FRMD4B: variants seen among roughly 807,000 people sequenced by gnomAD.
The protein encoded by FRMD4B is FERM domain containing 4B.
In FRMD4B, 74 loss-of-function variants were observed where a neutral mutation model predicts 141.5. The observed-to-expected ratio is 0.52, with a 90% CI of 0.43 to 0.63. The LOEUF is 0.63. Among genes scored for constraint, FRMD4B ranks in the 30% least tolerant of loss-of-function variants. The probability of loss-of-function intolerance (pLI) is 0.00; values close to 1 mark genes in which losing one functional copy is unlikely to be tolerated. For missense variants in FRMD4B, 1,366 were observed against 1,253.4 expected (o/e 1.09, Z -1.36); for synonymous variants, 506 against 467.9 (o/e 1.08, Z -1.05).
At chr3:69,286,798 C>CT (rs1293469848) in intron 5 of FRMD4B, among the ~76,000 whole-genome samples, 3 of 152,082 alleles carry the variant, frequency 2.0e-5, no homozygotes, top group Non-Finnish European at 2.9e-5. Flanking sequence ...TGTTTAAAAA[C>CT]TTTTTTTGTT....
At chr3:69,228,232 A>C (rs1194260821) in intron 7 of FRMD4B, 1 of 426,988 alleles carries the variant, frequency 2.3e-6, no homozygotes, top group African/African-American at 2.0e-5. Context: ...CCTGCCTTCA[A>C]TGATAAGAAT....
intron 1 of FRMD4B, among the ~76,000 whole-genome samples, chr3:69,472,938 CTTTTTTT>C (rs71618285): frequency 6.5e-5 from 7 of 108,324 alleles, no homozygotes; most frequent in Non-Finnish European, 1.1e-4. Flanking sequence ...TTTTTTTTTT[CTTTTTTT>C]TTTTTTTTGG....
intron 1 of FRMD4B, among the ~76,000 whole-genome samples, chr3:69,499,757 C>A (rs1277620452): frequency 6.6e-6 from 1 of 152,096 alleles, no homozygotes; most frequent in Non-Finnish European, 1.5e-5. Flanking sequence ...TCATCTGCTC[C>A]AAGCCTTCTG....
intron 1 of FRMD4B, among the ~76,000 whole-genome samples, chr3:69,352,705 T>A (rs1703188814): frequency 6.6e-6 from 1 of 152,132 alleles, no homozygotes; most frequent in African/African-American, 2.4e-5. Flanking sequence ...CTCTGACAAA[T>A]CATAAAAGTT....
intron 8 of FRMD4B, among the ~76,000 whole-genome samples, chr3:69,222,520 C>T (rs1372460493): frequency 1.3e-5 from 2 of 151,206 alleles, no homozygotes; most frequent in Non-Finnish European, 1.5e-5. Flanking sequence ...ACCTGTATTC[C>T]CAGCACTTTG....
At chr3:69,174,140 A>C (rs202202004) in intron 22 of FRMD4B, among the ~76,000 whole-genome samples, 1 of 12,014 alleles carries the variant, frequency 8.3e-5, no homozygotes, top group Admixed American at 1.8e-3. Context: ...CCGTCTTGGG[A>C]AGAAAAAAAA....
chr3:69,435,762 C>T (rs546618853), intron 1 of FRMD4B, among the ~76,000 whole-genome samples: 5 of 152,192 alleles, frequency 3.3e-5, no homozygotes, highest in South Asian at 2.1e-4. Flanking sequence ...TTGCATCTTA[C>T]GTGGGAGGTA....
At chr3:69,392,151 G>T (rs965398054) in intron 2 of FRMD4B, among the ~76,000 whole-genome samples, 2 of 152,218 alleles carry the variant, frequency 1.3e-5, no homozygotes, top group Non-Finnish European at 1.5e-5. Context: ...TTCGCACTAT[G>T]CATCAGGCAG....
At chr3:69,240,340 G>T (rs1323490220) in intron 7 of FRMD4B, among the ~76,000 whole-genome samples, 1 of 151,506 alleles carries the variant, frequency 6.6e-6, no homozygotes, top group East Asian at 2.0e-4. Context: ...AATTAGTCGG[G>T]CGTGGTGGCA....
chr3:69,172,332 T>C (rs1057438445), intron 22 of FRMD4B, among the ~76,000 whole-genome samples: 7 of 152,184 alleles, frequency 4.6e-5, no homozygotes, highest in Non-Finnish European at 7.3e-5. Flanking sequence ...ATGGTTACAG[T>C]TTTATTGAAC....
At chr3:69,222,467 CAAAAAAAAAAA>C (rs11293743) in intron 8 of FRMD4B, among the ~76,000 whole-genome samples, 1 of 95,024 alleles carries the variant, frequency 1.1e-5, no homozygotes, top group South Asian at 4.4e-4. Context: ...AAATCCATCT[CAAAAAAAAAAA>C]AAAAAAAAAG....
intron 1 of FRMD4B, among the ~76,000 whole-genome samples, chr3:69,352,198 G>A (rs1703173077): frequency 6.6e-6 from 1 of 152,128 alleles, no homozygotes; most frequent in Non-Finnish European, 1.5e-5. Flanking sequence ...TCTATGGCCT[G>A]AATCTTCAGA....
At chr3:69,446,110 C>T (rs1000896885) in intron 1 of FRMD4B, among the ~76,000 whole-genome samples, 9 of 152,182 alleles carry the variant, frequency 5.9e-5, no homozygotes, top group African/African-American at 1.9e-4. Context: ...TCACTATAAC[C>T]TCCGCCTCCC....
intron 2 of FRMD4B, among the ~76,000 whole-genome samples, chr3:69,400,269 C>G (rs1283892021): frequency 6.6e-6 from 1 of 151,900 alleles, no homozygotes; most frequent in African/African-American, 2.4e-5. Flanking sequence ...TGACTATAGT[C>G]CTAGCTACTT....
upstream of FRMD4B, among the ~76,000 whole-genome samples, chr3:69,390,700 C>T (rs1559843721): frequency 6.6e-6 from 1 of 152,060 alleles, no homozygotes; most frequent in Admixed American, 6.5e-5. Context: ...TGAGAACAAC[C>T]TGGCCAACAT....
intron 1 of FRMD4B, among the ~76,000 whole-genome samples, chr3:69,462,682 T>C (rs1215409142): frequency 6.6e-6 from 1 of 152,216 alleles, no homozygotes; most frequent in Non-Finnish European, 1.5e-5. Flanking sequence ...CCAATATCTG[T>C]GCACTGGCCT....
chr3:69,405,774 G>C (rs17005831), intron 2 of FRMD4B, among the ~76,000 whole-genome samples: 5,459 of 152,214 alleles, frequency 0.036, 329 homozygotes, highest in African/African-American at 0.12. Context: ...AATTAAATGA[G>C]CCATGATGAC....
At chr3:69,466,048 G>C (rs1014004288) in intron 1 of FRMD4B, among the ~76,000 whole-genome samples, 3 of 152,080 alleles carry the variant, frequency 2.0e-5, no homozygotes, top group African/African-American at 7.2e-5. Flanking sequence ...ATCCTCTCCA[G>C]CATCTGTTGT....
intron 1 of FRMD4B, among the ~76,000 whole-genome samples, chr3:69,316,173 G>T (rs1194279624): frequency 6.6e-6 from 1 of 152,142 alleles, no homozygotes; most frequent in African/African-American, 2.4e-5. Flanking sequence ...TGAAGATGTG[G>T]CCCACAGGAA....
Sources: gnomAD v4.1 joint callset for allele counts (sites outside exome capture counted in the v4.1 genomes callset) on GRCh38, gnomAD v4.1.1 for gene constraint, MANE v1.5 for transcripts, NCBI Gene and HGNC (gene_info 2026-07-23, HGNC 2026-07-21) for gene names.